DLGAP1: variants seen among roughly 807,000 people sequenced by gnomAD.
DLGAP1 encodes the protein disks large-associated protein 1.
In DLGAP1, 11 loss-of-function variants were observed where a neutral mutation model predicts 90.8. The ratio of observed to expected loss-of-function variants is 0.12; its 90% CI spans 0.08 to 0.20. The LOEUF is 0.20. Ranked by LOEUF, DLGAP1 falls within the 10% of genes least tolerant of loss-of-function variation. The probability of loss-of-function intolerance (pLI) is 1.00; values close to 1 mark genes in which losing one functional copy is unlikely to be tolerated. For synonymous variants in DLGAP1, 558 were observed against 540.7 expected (o/e 1.03, Z -0.44); for missense variants, 1,050 against 1,333.8 (o/e 0.79, Z 3.31).
intron 1 of DLGAP1, among the ~76,000 whole-genome samples, chr18:4,440,120 CAAAA>C (rs35152199): frequency 2.2e-4 from 11 of 49,346 alleles, no homozygotes; most frequent in Non-Finnish European, 3.2e-4. Context: ...ACTCCGTCAC[CAAAA>C]AAAAAAAAAA....
chr18:4,048,164 C>T (rs2075083434), intron 2 of DLGAP1, among the ~76,000 whole-genome samples: 1 of 152,082 alleles, frequency 6.6e-6, no homozygotes, highest in Admixed American at 6.5e-5. Flanking sequence ...TTCATTTGAA[C>T]AGATTATTAG....
intron 7 of DLGAP1, among the ~76,000 whole-genome samples, chr18:3,700,172 G>GA (rs2061233630): frequency 6.6e-6 from 1 of 152,144 alleles, no homozygotes; most frequent in Non-Finnish European, 1.5e-5. Flanking sequence ...ACTGGGGTAT[G>GA]AAAAAACTCC....
At chr18:3,642,351 CA>C (rs2058970963) in intron 7 of DLGAP1, among the ~76,000 whole-genome samples, 1 of 152,146 alleles carries the variant, frequency 6.6e-6, no homozygotes, top group Admixed American at 6.5e-5. Flanking sequence ...TTTCAGTGCT[CA>C]AAAAGTTTCA....
In DLGAP1 at chr18:3,832,977, C is replaced by T. The variant is rs372468496; in HGVS notation, c.958-18704G>A. 1.4e-4 allele frequency among the ~76,000 whole-genome samples: 22 copies of T among 152,220 alleles called. 1 individual carries two copies. The highest frequency in any genetic ancestry group is 5.1e-4 in the African/African-American group (21 of 41,530). ...GCTCCTGGATGTAAATTTTGACCTG[C>T]TTTCAGTTGTAATAAATACATGAGG... is the stretch of plus-strand genomic sequence containing the variant. On this transcript the variant is annotated intron_variant, in intron 4 of 12. Transcript: ENST00000315677.
At chr18:4,076,066 T>C (rs1411872339) in intron 2 of DLGAP1, among the ~76,000 whole-genome samples, 3 of 152,192 alleles carry the variant, frequency 2.0e-5, no homozygotes, top group Admixed American at 6.5e-5. Context: ...AAAATAAGTA[T>C]ACAACTCATT....
chr18:3,609,332 C>T (rs948428215), intron 7 of DLGAP1, among the ~76,000 whole-genome samples: 1 of 152,208 alleles, frequency 6.6e-6, no homozygotes, highest in Non-Finnish European at 1.5e-5. Flanking sequence ...GAGGTGTGAT[C>T]CACCTCACCC....
chr18:4,421,078 T>C (rs913315204), intron 1 of DLGAP1, among the ~76,000 whole-genome samples: 3 of 152,174 alleles, frequency 2.0e-5, no homozygotes, highest in Admixed American at 1.3e-4. Context: ...TAACAAATTA[T>C]CACAAACCAG....
chr18:4,341,920 TTC>T lies in DLGAP1; in HGVS notation c.-267+113084_-267+113085del, dbSNP rs148167267. On this transcript the variant is annotated intron_variant, in intron 1 of 12. Coordinates refer to ENST00000315677, the MANE Select transcript of DLGAP1 (RefSeq NM_004746.4). ...ATGTGAATTAAACTGATATCTCTCTTTCTCTCTCTCTCTCTGCATCTCTTGGT... is the reference window on the plus strand; with the variant it reads ...ATGTGAATTAAACTGATATCTCTCTTTCTCTCTCTCTCTGCATCTCTTGGT... Among the ~76,000 whole-genome samples, 43 of 150,108 alleles carry T rather than the reference TTC, an allele frequency of 2.9e-4. No individual in the cohort carries two copies. The South Asian group carries it at 4.0e-3, about 14-fold the overall frequency.
intron 1 of DLGAP1, among the ~76,000 whole-genome samples, chr18:4,300,500 T>C (rs2080097977): frequency 6.6e-6 from 1 of 152,198 alleles, no homozygotes; most frequent in African/African-American, 2.4e-5. Context: ...CTTTTGATTT[T>C]ACAATTAAAA....
chr18:4,037,835 C>A (rs1421661119), intron 2 of DLGAP1, among the ~76,000 whole-genome samples: 2 of 152,176 alleles, frequency 1.3e-5, no homozygotes, highest in Non-Finnish European at 2.9e-5. Flanking sequence ...TGGTGCATGC[C>A]TGTTGTCCCA....
chr18:4,049,291 T>C (rs1173723137), intron 2 of DLGAP1, among the ~76,000 whole-genome samples: 2 of 151,478 alleles, frequency 1.3e-5, no homozygotes, highest in Non-Finnish European at 2.9e-5. Context: ...ATGTCAGCCA[T>C]AGCCTGGGTT....
chr18:4,207,768 T>C (rs2077752483), intron 1 of DLGAP1, among the ~76,000 whole-genome samples: 1 of 152,208 alleles, frequency 6.6e-6, no homozygotes, highest in Non-Finnish European at 1.5e-5. Flanking sequence ...CACTGCCTGT[T>C]TGGGGACCCA....
At chr18:3,657,659 G>A (rs1264859119) in intron 7 of DLGAP1, among the ~76,000 whole-genome samples, 1 of 147,886 alleles carries the variant, frequency 6.8e-6, no homozygotes, top group African/African-American at 2.5e-5. Flanking sequence ...CTGGAGTGCA[G>A]TGGCGCGATC....
intron 9 of DLGAP1, among the ~76,000 whole-genome samples, chr18:3,563,631 G>A (rs763625809): frequency 4.6e-5 from 7 of 151,698 alleles, no homozygotes; most frequent in South Asian, 2.1e-4. Context: ...CACCATACCC[G>A]GCTAATTTTT....
At chr18:3,689,824 AG>A (rs1208223328) in intron 7 of DLGAP1, among the ~76,000 whole-genome samples, 5 of 152,176 alleles carry the variant, frequency 3.3e-5, no homozygotes, top group African/African-American at 1.2e-4. Context: ...AGAATTAAAG[AG>A]GTTTCTTGAT....
chr18:4,393,720 A>G (rs766892601), intron 1 of DLGAP1, among the ~76,000 whole-genome samples: 2 of 152,016 alleles, frequency 1.3e-5, no homozygotes, highest in Admixed American at 6.6e-5. Context: ...GCAGTCCCCA[A>G]CCCTTTCGGC....
intron 1 of DLGAP1, among the ~76,000 whole-genome samples, chr18:4,287,874 AAAT>A (rs1453829482): frequency 6.6e-6 from 1 of 151,708 alleles, no homozygotes; most frequent in Non-Finnish European, 1.5e-5. Flanking sequence ...TTAAAAAATA[AAAT>A]AATAAATAAT....
chr18:3,819,488 T>C (rs1014151409), intron 4 of DLGAP1, among the ~76,000 whole-genome samples: 1 of 152,194 alleles, frequency 6.6e-6, no homozygotes, highest in Non-Finnish European at 1.5e-5. Context: ...AATGAATTTA[T>C]TCTGGGATAG....
intron 4 of DLGAP1, among the ~76,000 whole-genome samples, chr18:3,816,919 G>C (rs2067135689): frequency 6.6e-6 from 1 of 152,160 alleles, no homozygotes; most frequent in Non-Finnish European, 1.5e-5. Context: ...AATTATGCTA[G>C]TAACAATGTA....
Sources: allele counts gnomAD v4.1 joint callset (sites outside exome capture counted in the v4.1 genomes callset), GRCh38; gene constraint gnomAD v4.1.1; transcripts MANE v1.5; gene names NCBI Gene and HGNC (gene_info 2026-07-23, HGNC 2026-07-21).